Variants in CYTH1 observed in about 807,000 individuals in gnomAD.
CYTH1 encodes cytohesin-1.
CYTH1 carries 18 observed loss-of-function variants against 61.8 expected under a neutral mutation model. The ratio of observed to expected loss-of-function variants is 0.29; its 90% CI spans 0.20 to 0.43. The LOEUF is 0.43. Among genes scored for constraint, CYTH1 ranks in the 20% least tolerant of loss-of-function variants. The pLI is 1.00. For synonymous variants in CYTH1, 174 were observed against 184.3 expected (o/e 0.94, Z 0.45); for missense variants, 336 against 510.5 (o/e 0.66, Z 3.29).
intron 1 of CYTH1, among the ~76,000 whole-genome samples, chr17:78,711,308 T>TAC (rs1328628180): frequency 1.4e-5 from 2 of 138,946 alleles, no homozygotes; most frequent in Admixed American, 7.0e-5. Flanking sequence ...AAATAATATA[T>TAC]ATATATACAC....
chr17:78,779,610 G>A (rs1271964636), intron 1 of CYTH1, among the ~76,000 whole-genome samples: 1 of 152,122 alleles, frequency 6.6e-6, no homozygotes, highest in African/African-American at 2.4e-5. Flanking sequence ...ATCCAGGTGG[G>A]TCCCACTATA....
intron 1 of CYTH1, among the ~76,000 whole-genome samples, chr17:78,771,626 G>C (rs1242594438): frequency 6.6e-6 from 1 of 151,954 alleles, no homozygotes; most frequent in Non-Finnish European, 1.5e-5. Flanking sequence ...AGCTACTTGG[G>C]AGGCTGAGGC....
intron 1 of CYTH1, among the ~76,000 whole-genome samples, chr17:78,721,356 C>T (rs1390366173): frequency 6.6e-6 from 1 of 152,182 alleles, no homozygotes; most frequent in Non-Finnish European, 1.5e-5. Context: ...AAAATTTACA[C>T]ACACTACCCA....
chr17:78,710,978 C>A (rs558704121), intron 1 of CYTH1, among the ~76,000 whole-genome samples: 1 of 152,024 alleles, frequency 6.6e-6, no homozygotes, highest in Non-Finnish European at 1.5e-5. Flanking sequence ...AAATATACAC[C>A]GAGGCCGGGC....
Position 78,769,513 on chromosome 17 carries a change from C to T in CYTH1, c.22+12689G>A, listed in dbSNP as rs569032310. On this transcript the variant is annotated intron_variant, in intron 1 of 13. Coordinates refer to ENST00000446868, the MANE Select transcript of CYTH1 (RefSeq NM_004762.6). ...CCTGGCCAATCCAGTGCCATCCCAG[C>T]GCCAGTGGAACTGGCACTGCTCTCC... Among the ~76,000 whole-genome samples, 9 of 152,286 alleles carry T rather than the reference C, an allele frequency of 5.9e-5. No individual in the cohort carries two copies. In the South Asian group the frequency reaches 1.7e-3, roughly 28 times the overall value.
chr17:78,682,933 C>T (rs1412040232), intron 11 of CYTH1, among the ~76,000 whole-genome samples: 2 of 152,210 alleles, frequency 1.3e-5, no homozygotes, highest in East Asian at 3.8e-4. Flanking sequence ...ATTATTTTGT[C>T]AAGGGTTACC....
intron 1 of CYTH1, among the ~76,000 whole-genome samples, chr17:78,757,958 T>C (rs986681429): frequency 1.3e-5 from 2 of 152,040 alleles, no homozygotes; most frequent in Non-Finnish European, 2.9e-5. Context: ...TAATTCAATG[T>C]CAGGAAGGAT....
chr17:78,760,407 G>GTA (rs1249737588), intron 1 of CYTH1, among the ~76,000 whole-genome samples: 22 of 38,624 alleles, frequency 5.7e-4, no homozygotes, highest in African/African-American at 2.2e-3. Context: ...ATATATATAT[G>GTA]TGTATATATA....
At chr17:78,705,067 C>G (rs1406419076) in intron 3 of CYTH1, among the ~76,000 whole-genome samples, 2 of 152,120 alleles carry the variant, frequency 1.3e-5, no homozygotes, top group African/African-American at 4.8e-5. Context: ...TATTTCCAAA[C>G]AAATACCACA....
chr17:78,757,000 T>G (rs2093404278), intron 1 of CYTH1, among the ~76,000 whole-genome samples: 1 of 148,168 alleles, frequency 6.7e-6, no homozygotes, highest in South Asian at 2.1e-4. Context: ...TTTTTTTTTT[T>G]TTTTTTGAGA....
intron 1 of CYTH1, among the ~76,000 whole-genome samples, chr17:78,772,353 T>C (rs2144758396): frequency 6.6e-6 from 1 of 152,330 alleles, no homozygotes; most frequent in Non-Finnish European, 1.5e-5. Flanking sequence ...CCCCCCATAC[T>C]TGAAATAAGA....
intron 1 of CYTH1, among the ~76,000 whole-genome samples, chr17:78,756,803 G>A (rs185046770): frequency 1.7e-4 from 25 of 151,318 alleles, no homozygotes; most frequent in Admixed American, 3.3e-4. Flanking sequence ...CTCCAGCCTC[G>A]GTGACAGAGC....
At chr17:78,775,563 T>A (rs1429685502) in intron 1 of CYTH1, among the ~76,000 whole-genome samples, 2 of 152,236 alleles carry the variant, frequency 1.3e-5, no homozygotes, top group Non-Finnish European at 2.9e-5. Context: ...TTTCTTGTTT[T>A]AGATAATGAA....
At chr17:78,697,769 A>C (rs1472014910) in intron 9 of CYTH1, among the ~76,000 whole-genome samples, 1 of 152,114 alleles carries the variant, frequency 6.6e-6, no homozygotes, top group East Asian at 1.9e-4. Flanking sequence ...GCCAGGTACA[A>C]ATCTGTGGGA....
At chr17:78,685,351 T>TACTG (rs2092806085) in intron 11 of CYTH1, among the ~76,000 whole-genome samples, 1 of 151,956 alleles carries the variant, frequency 6.6e-6, no homozygotes, top group African/African-American at 2.4e-5. Flanking sequence ...TCCTGATTTT[T>TACTG]ATTATTTCAC....
intron 1 of CYTH1, among the ~76,000 whole-genome samples, chr17:78,742,546 T>A (rs1018355959): frequency 6.7e-6 from 1 of 150,158 alleles, no homozygotes; most frequent in African/African-American, 2.5e-5. Flanking sequence ...TAGGCAAGAG[T>A]GAGACCCTGT....
chr17:78,770,563 C>A (rs902914639), intron 1 of CYTH1, among the ~76,000 whole-genome samples: 1 of 151,894 alleles, frequency 6.6e-6, no homozygotes, highest in African/African-American at 2.4e-5. Context: ...GGACTACAGG[C>A]GTGCGCCATC....
At chr17:78,761,681 T>C (rs1418144680) in intron 1 of CYTH1, among the ~76,000 whole-genome samples, 9 of 151,914 alleles carry the variant, frequency 5.9e-5, no homozygotes, top group Admixed American at 5.9e-4. Context: ...GAGCTTGCAG[T>C]GAGACGAGAT....
chr17:78,771,630 C>T (rs1279059210), intron 1 of CYTH1, among the ~76,000 whole-genome samples: 1 of 151,264 alleles, frequency 6.6e-6, no homozygotes, highest in Non-Finnish European at 1.5e-5. Flanking sequence ...ACTTGGGAGG[C>T]TGAGGCAGGA....
Sources: gnomAD v4.1 joint callset for allele counts (sites outside exome capture counted in the v4.1 genomes callset) on GRCh38, gnomAD v4.1.1 for gene constraint, MANE v1.5 for transcripts, NCBI Gene and HGNC (gene_info 2026-07-23, HGNC 2026-07-21) for gene names.